The following NUP37 variants were observed in gnomAD, a reference collection of about 807,000 sequenced individuals.
NUP37 encodes the protein nucleoporin Nup37.
In NUP37, 33 loss-of-function variants were observed where a neutral mutation model predicts 45.4. The ratio of observed to expected loss-of-function variants is 0.73; its 90% CI spans 0.55 to 0.97. The LOEUF (loss-of-function observed/expected upper bound fraction) is 0.97. NUP37 is among the 50% of genes least tolerant of loss of function. NUP37 has a pLI of 0.00. For missense variants in NUP37, 365 were observed against 389.7 expected (o/e 0.94, Z 0.53); for synonymous variants, 127 against 130.7 (o/e 0.97, Z 0.19).
At chr12:102,082,073 C>T (rs748648808) in intron 6 of NUP37, among the ~76,000 whole-genome samples, 25 of 152,076 alleles carry the variant, frequency 1.6e-4, no homozygotes, top group African/African-American at 4.6e-4. Context: ...TCTTTGATCC[C>T]GTGACATCCT....
chr12:102,105,051 T>C (rs556849863), intron 3 of NUP37, among the ~76,000 whole-genome samples: 2 of 152,336 alleles, frequency 1.3e-5, no homozygotes, highest in African/African-American at 4.8e-5. Flanking sequence ...CACTATGAAA[T>C]CTTTCAATCC....
At chr12:102,101,878 C>A (rs753545383) in intron 3 of NUP37, among the ~76,000 whole-genome samples, 4 of 152,072 alleles carry the variant, frequency 2.6e-5, no homozygotes, top group Admixed American at 2.6e-4. Context: ...GCGCCCACCA[C>A]CACACGTGGC....
intron 5 of NUP37, among the ~76,000 whole-genome samples, chr12:102,097,499 A>T (rs1218973255): frequency 6.6e-6 from 1 of 152,166 alleles, no homozygotes; most frequent in African/African-American, 2.4e-5. Context: ...TAGCAACCCT[A>T]TGTCAGTCCC....
chr12:102,085,821 A>G lies in NUP37; in HGVS notation c.485T>C (p.Phe162Ser). 6.2e-7 allele frequency: 1 copy of G among 1,602,512 alleles called. No individual in the cohort carries two copies. The highest frequency in any genetic ancestry group is 8.5e-7 in the Non-Finnish European group (1 of 1,170,572). ...WNLEGVQTAH[F>S]VLHSPGMSVC... ...ACTCATGCCAGGAGAATGAAGAACA[A>G]AATGAGCTGTTTGCACTCCTTCCAA... The change falls in exon 6 of 10, where the codon TTT becomes TCT. Residue 162 changes from phenylalanine (F) to serine (S), a missense_variant. Coordinates refer to ENST00000552283, the MANE Select transcript of NUP37 (RefSeq NM_024057.4).
At chr12:102,099,686 T>C (rs1315646110) in intron 4 of NUP37, among the ~76,000 whole-genome samples, 1 of 152,176 alleles carries the variant, frequency 6.6e-6, no homozygotes, top group African/African-American at 2.4e-5. Context: ...TCAATGTGAC[T>C]GCTAGCAGTG....
chr12:102,111,474 G>T (rs1289511741), intron 3 of NUP37, among the ~76,000 whole-genome samples: 3 of 152,178 alleles, frequency 2.0e-5, no homozygotes, highest in African/African-American at 7.2e-5. Context: ...TAGCTTAATA[G>T]TTGATAACTT....
At chr12:102,117,206 G>C (rs1880489522) in intron 2 of NUP37, among the ~76,000 whole-genome samples, 1 of 152,104 alleles carries the variant, frequency 6.6e-6, no homozygotes, top group African/African-American at 2.4e-5. Flanking sequence ...TGTAATCCCA[G>C]CACTTGGGAG....
Position 102,073,242 on chromosome 12 carries a change from C to G in NUP37, c.*1112G>C, listed in dbSNP as rs914475702. The G allele has an allele frequency of 6.6e-6, 1 of 152,128 alleles. No individual in the cohort carries two copies. Among genetic ancestry groups the G allele is most frequent in the Non-Finnish European group, 1.5e-5 (1 of 68,022 alleles). The allele number at this position is 152,128 out of a possible 1,614,324, so 9.4% of individuals were successfully genotyped here. A position where few individuals can be genotyped will look rare whatever the true frequency, so the allele number is the denominator to read the frequency against. On this transcript the variant is annotated 3_prime_UTR_variant, in exon 10 of 10. Coordinates refer to ENST00000552283, the MANE Select transcript of NUP37 (RefSeq NM_024057.4). The stretch of plus-strand genomic sequence containing the variant: ...GCAGTTTGTCAAAATGTATTGGATT[C>G]TGTATGTGACTGACAAGCAGAACCA...
At chr12:102,118,321 G>A (rs1172728260) in intron 2 of NUP37, 42 bp downstream of exon 2, 1 of 1,557,804 alleles carries the variant, frequency 6.4e-7, no homozygotes, top group African/African-American at 1.4e-5. Flanking sequence ...TCTTAGTAGT[G>A]AAATATGTTC....
Position 102,076,856 on chromosome 12 carries a change from T to C in NUP37, c.723-9A>G, listed in dbSNP as rs1291987625. 1.1e-5 allele frequency: 18 copies of C among 1,607,316 alleles called. No homozygotes were observed. Among genetic ancestry groups the C allele is most frequent in the Non-Finnish European group, 1.5e-5 (18 of 1,174,816 alleles). On this transcript the variant is annotated splice_polypyrimidine_tract_variant and intron_variant, in intron 7 of 9. Coordinates refer to ENST00000552283, the MANE Select transcript of NUP37 (RefSeq NM_024057.4). ...TCTTATTTTGAGGATAACTAAAAGA[T>C]AATATTTTGCATTTTATGAATTATG...
intron 2 of NUP37, among the ~76,000 whole-genome samples, chr12:102,114,381 G>GT (rs1427408646): frequency 6.6e-6 from 1 of 152,122 alleles, no homozygotes; most frequent in East Asian, 1.9e-4. Flanking sequence ...TGGGCTTTTT[G>GT]TTTTACCAGT....
At chr12:102,086,232 G>A (rs1014742598) in intron 5 of NUP37, among the ~76,000 whole-genome samples, 3 of 152,074 alleles carry the variant, frequency 2.0e-5, no homozygotes, top group African/African-American at 4.8e-5. Flanking sequence ...TTCAACTGAC[G>A]ATAATTACTA....
At chr12:102,106,411 A>T (rs1330501040) in intron 3 of NUP37, among the ~76,000 whole-genome samples, 2 of 152,220 alleles carry the variant, frequency 1.3e-5, no homozygotes, top group African/African-American at 4.8e-5. Flanking sequence ...CAACATTTTC[A>T]TTTGATTAAC....
intron 3 of NUP37, among the ~76,000 whole-genome samples, chr12:102,111,382 G>C (rs140678531): frequency 1.4e-4 from 21 of 152,108 alleles, no homozygotes; most frequent in African/African-American, 4.8e-4. Flanking sequence ...ATACGTATTT[G>C]TCAAAACTGA....
chr12:102,113,484 A>G (rs538794096), intron 2 of NUP37, among the ~76,000 whole-genome samples: 3 of 152,324 alleles, frequency 2.0e-5, no homozygotes, highest in East Asian at 1.9e-4. Flanking sequence ...CACATTTTTT[A>G]TAAGCATTAA....
At chr12:102,107,782 A>T (rs1423146716) in intron 3 of NUP37, among the ~76,000 whole-genome samples, 23 of 152,350 alleles carry the variant, frequency 1.5e-4, no homozygotes, top group Admixed American at 7.2e-4. Context: ...ATTCATAAGA[A>T]AGTTCATAAG....
In NUP37 at chr12:102,118,465, A is replaced by G. The variant is rs758191245; in HGVS notation, c.54T>C (p.Tyr18=). ...AGGGATTAAATTCTACCACATGCAC[A>G]TAATCTTCACAATCCACAGTGTAGG... ...NAAYTVDCED[Y]VHVVEFNPFE... Residue 18 remains tyrosine, a synonymous_variant, in exon 2 of 10, where the codon TAT becomes TAC. Transcript: ENST00000552283. 6.2e-7 allele frequency: 1 copy of G among 1,614,086 alleles called. No individual in the cohort carries two copies. The highest frequency in any genetic ancestry group is 8.5e-7 in the Non-Finnish European group (1 of 1,179,984).
intron 5 of NUP37, among the ~76,000 whole-genome samples, chr12:102,086,211 TCAGTA>T (rs1419902434): frequency 3.3e-5 from 5 of 152,174 alleles, no homozygotes; most frequent in African/African-American, 9.7e-5. Flanking sequence ...TCTGACTACT[TCAGTA>T]GTCATTTCAA....
At chr12:102,088,703 A>ATTTTTTTTTTTTTTTTTTTTAT (rs1879546839) in intron 5 of NUP37, among the ~76,000 whole-genome samples, 38 of 108,958 alleles carry the variant, frequency 3.5e-4, no homozygotes, top group South Asian at 5.9e-4. Flanking sequence ...TTTTGTTTTA[A>ATTTTTTTTTTTTTTTTTTTTAT]TTTTTTTTTT....
Sources: allele counts gnomAD v4.1 joint callset (sites outside exome capture counted in the v4.1 genomes callset), GRCh38; gene constraint gnomAD v4.1.1; transcripts MANE v1.5; gene names NCBI Gene and HGNC (gene_info 2026-07-23, HGNC 2026-07-21).